ZER1: variants seen among roughly 807,000 people sequenced by gnomAD.
The protein encoded by ZER1 is zyg-11 related cell cycle regulator.
A neutral mutation model predicts 78.8 loss-of-function variants in ZER1; 11 were observed. That is an observed-to-expected ratio of 0.14 (90% CI 0.09 to 0.23). ZER1 has a LOEUF of 0.23. Among genes scored for constraint, ZER1 ranks in the 10% least tolerant of loss-of-function variants. The probability of loss-of-function intolerance (pLI) is 1.00; values close to 1 mark genes in which losing one functional copy is unlikely to be tolerated. For missense variants in ZER1, 588 were observed against 996.9 expected, an observed-to-expected ratio of 0.59 and a Z score of 5.52; for synonymous variants, 400 against 407.0, an observed-to-expected ratio of 0.98 and a Z score of 0.21.
chr9:128,738,766 C>T (rs1328179363), intron 13 of ZER1, among the ~76,000 whole-genome samples: 2 of 151,744 alleles, frequency 1.3e-5, no homozygotes, highest in African/African-American at 2.4e-5. Flanking sequence ...ACTACAGCCT[C>T]GACCTCCTGG....
At chr9:128,733,975 A>C (rs1862937172) in intron 14 of ZER1, among the ~76,000 whole-genome samples, 1 of 125,138 alleles carries the variant, frequency 8.0e-6, no homozygotes. Flanking sequence ...TAAAAATACA[A>C]AAATTAGCCA....
At chr9:128,756,750 A>G (rs1863871707) in intron 1 of ZER1, among the ~76,000 whole-genome samples, 1 of 152,230 alleles carries the variant, frequency 6.6e-6, no homozygotes. Context: ...AGTAACTGCC[A>G]GTGTGTATGG....
Position 128,741,664 on chromosome 9 carries a change from C to A in ZER1, c.1618-10G>T. 6.2e-7 allele frequency: 1 copy of A among 1,614,118 alleles called. No homozygotes were observed. Among genetic ancestry groups the A allele is most frequent in the Non-Finnish European group, 8.5e-7 (1 of 1,180,014 alleles). On this transcript the variant is annotated splice_polypyrimidine_tract_variant and intron_variant, in intron 10 of 15. Coordinates refer to ENST00000291900, the MANE Select transcript of ZER1 (RefSeq NM_006336.4). ...CCATGACCTGGTCACACTGTGAGGG[C>A]AGGGCAGGGCTCAGCCAAGGCTCCT...
At position 128,753,274 on chromosome 9, in the gene ZER1, G is replaced by C; in HGVS notation, c.636C>G (p.Ser212Arg). The C allele has an allele frequency of 1.9e-6, 3 of 1,606,166 alleles. No homozygotes were observed. Among genetic ancestry groups the C allele is most frequent in the Non-Finnish European group, 2.6e-6 (3 of 1,176,314 alleles). The change falls in exon 4 of 16, where the codon AGC becomes AGG. Residue 212 changes from serine to arginine, a missense_variant. Physicochemically the swap from Ser to Arg is moderately radical, Grantham distance 110. Transcript: ENST00000291900. The surrounding 1 kb of genome is among the most constrained non-coding windows in gnomAD (Gnocchi z 7.5). ...TCCACTGGGTGAGGAAGGCGGCGTC[G>C]CTCGTCTGAATGCCTGAGAGGTCCA... ...AALDLSGIQT[S>R]DAAFLTQWKD...
At position 128,753,464 on chromosome 9, in the gene ZER1, G is replaced by C; in HGVS notation, c.446C>G (p.Pro149Arg). 1 of 1,614,176 alleles carries C rather than the reference G, an allele frequency of 6.2e-7. No homozygotes were observed. Among genetic ancestry groups the C allele is most frequent in the Non-Finnish European group, 8.5e-7 (1 of 1,180,022 alleles). ...GAGGTACTCATCTTCACAGCCCCCT[G>C]GGTTCTCCTCCTCATAGAAAATGTT... is the stretch of plus-strand genomic sequence containing the variant. The part of the protein sequence containing the change: ...CTNIFYEEEN[P>R]GGCEDEYLVN... Residue 149 changes from proline (P) to arginine (R), a missense_variant, in exon 4 of 16, where the codon CCA (proline) becomes CGA (arginine). This residue lies in a region of ZER1 where 406 missense variants were observed against 660.1 expected (regional missense o/e 0.62). Transcript: ENST00000291900. The surrounding 1 kb of genome is among the most constrained non-coding windows in gnomAD (Gnocchi z 7.5).
chr9:128,738,286 T>C (rs1208905169), intron 13 of ZER1, among the ~76,000 whole-genome samples: 10 of 137,440 alleles, frequency 7.3e-5, no homozygotes, highest in Non-Finnish European at 6.2e-5. Flanking sequence ...CCTCATGATC[T>C]GCCCGCCTCT....
At chr9:128,761,377 T>C (rs2132475006) in intron 1 of ZER1, among the ~76,000 whole-genome samples, 1 of 150,650 alleles carries the variant, frequency 6.6e-6, no homozygotes, top group East Asian at 2.0e-4. Context: ...ACCTCTGCTT[T>C]CCAGGTTCAA....
intron 5 of ZER1, 83 bp downstream of exon 5, chr9:128,752,590 G>A: frequency 7.0e-7 from 1 of 1,432,782 alleles, no homozygotes; most frequent in South Asian, 1.4e-5. Flanking sequence ...CAAAGTGCTG[G>A]GATTACAGGC....
At chr9:128,742,416 T>C in intron 9 of ZER1, 114 bp downstream of exon 9, 1 of 1,226,952 alleles carries the variant, frequency 8.2e-7, no homozygotes, top group Non-Finnish European at 1.2e-6. Flanking sequence ...TTCAGCACAC[T>C]CTCCCTCTCC....
intron 14 of ZER1, among the ~76,000 whole-genome samples, chr9:128,733,945 C>T (rs1317973055): frequency 7.5e-6 from 1 of 132,684 alleles, no homozygotes; most frequent in Non-Finnish European, 1.6e-5. Context: ...CTGGCTAACA[C>T]GGTGAAACCC....
In ZER1 at chr9:128,765,061, A is replaced by G. The variant is rs570724610; in HGVS notation, c.-95+6520T>C. Among the ~76,000 whole-genome samples, 6 of 152,218 alleles carry G rather than the reference A, an allele frequency of 3.9e-5. No individual in the cohort carries two copies. The South Asian group carries it at 1.2e-3, about 32-fold the overall frequency. On this transcript the variant is annotated intron_variant, in intron 1 of 15. Coordinates refer to ENST00000291900, the MANE Select transcript of ZER1 (RefSeq NM_006336.4). ...CAGGCTTTACTCCCTCGAGTCTCTT[A>G]CTCAACCGACAAAATATTTCCTAGT...
At chr9:128,759,567 A>G (rs1863976330) in intron 1 of ZER1, among the ~76,000 whole-genome samples, 1 of 151,954 alleles carries the variant, frequency 6.6e-6, no homozygotes, top group Non-Finnish European at 1.5e-5. Flanking sequence ...AGGCCAAGGC[A>G]GGTGGATCAT....
Position 128,755,424 on chromosome 9 carries a change from C to A in ZER1, c.142G>T (p.Asp48Tyr). The change falls in exon 2 of 16, where the codon GAC becomes TAC. Residue 48 changes from aspartate to tyrosine, a missense_variant. Asp to Tyr is a radical substitution (Grantham distance 160). Around this residue, in one of 3 missense-constraint regions of ZER1, gnomAD observed 406 missense variants for 660.1 expected, o/e 0.62. Coordinates refer to ENST00000291900, the MANE Select transcript of ZER1 (RefSeq NM_006336.4). The surrounding 1 kb of genome is among the most constrained non-coding windows in gnomAD (Gnocchi z 5.6). ...PDIFLPSEIC[D>Y]RLVNEYVELV... ...TCTGCTCACTCATTGACGAGCCGGT[C>A]ACAGATCTCGCTGGGCAAGAAGATG... 1 of 1,614,068 alleles carries A rather than the reference C, an allele frequency of 6.2e-7. No homozygotes were observed. The highest frequency in any genetic ancestry group is 1.1e-5 in the South Asian group (1 of 91,070).
chr9:128,731,826 C>G (rs144824145), intron 15 of ZER1, among the ~76,000 whole-genome samples: 254 of 152,358 alleles, frequency 1.7e-3, no homozygotes, highest in African/African-American at 5.6e-3. Flanking sequence ...CCTAGAGGCC[C>G]GGATCCAGTG....
At chr9:128,761,691 G>A (rs988250874) in intron 1 of ZER1, among the ~76,000 whole-genome samples, 8 of 143,862 alleles carry the variant, frequency 5.6e-5, no homozygotes, top group South Asian at 4.4e-4. Context: ...TGCAAGCTCC[G>A]CCTCCTGGGT....
Position 128,768,374 on chromosome 9 carries a change from C to T in ZER1, c.-95+3207G>A, listed in dbSNP as rs117868820. On this transcript the variant is annotated intron_variant, in intron 1 of 15. Coordinates refer to ENST00000291900, the MANE Select transcript of ZER1 (RefSeq NM_006336.4). ...CTTTGTAGAGAGCTTCAGAACACAC[C>T]TAATTCTTTCACAAGCTGTGTCTCA... Among the ~76,000 whole-genome samples the T allele has an allele frequency of 3.3e-3, 499 of 152,266 alleles. 8 individuals are homozygous for T. In the East Asian group the frequency reaches 0.036, roughly 11 times the overall value.
At chr9:128,752,398 C>T (rs977671886) in intron 5 of ZER1, among the ~76,000 whole-genome samples, 2 of 151,900 alleles carry the variant, frequency 1.3e-5, no homozygotes, top group African/African-American at 4.8e-5. Flanking sequence ...GATCTCAGCT[C>T]ACTGCAGGCT....
chr9:128,738,951 A>T (rs1863191260), intron 13 of ZER1, among the ~76,000 whole-genome samples: 1 of 149,580 alleles, frequency 6.7e-6, no homozygotes, highest in African/African-American at 2.5e-5. Context: ...TCCTGGGTTC[A>T]AGCGATTCTC....
intron 8 of ZER1, among the ~76,000 whole-genome samples, chr9:128,746,682 T>A (rs1243198206): frequency 6.6e-6 from 1 of 151,644 alleles, no homozygotes; most frequent in African/African-American, 2.4e-5. Flanking sequence ...GTCACCCAGG[T>A]TGGAGTGCAA....
Sources: allele counts gnomAD v4.1 joint callset (sites outside exome capture counted in the v4.1 genomes callset), GRCh38; gene constraint gnomAD v4.1.1; regional missense constraint gnomAD v4.1.1; non-coding constraint Gnocchi (gnomAD v3.1); transcripts MANE v1.5; gene names NCBI Gene and HGNC (gene_info 2026-07-23, HGNC 2026-07-21).